Variants in UBA6 observed in about 807,000 individuals in gnomAD.
UBA6 encodes ubiquitin like modifier activating enzyme 6, also known as ubiquitin-like modifier-activating enzyme 6.
A neutral mutation model predicts 148.3 loss-of-function variants in UBA6; 87 were observed. The ratio of observed to expected loss-of-function variants is 0.59; its 90% CI spans 0.49 to 0.70. The LOEUF (loss-of-function observed/expected upper bound fraction) is 0.70. UBA6 is among the 30% of genes least tolerant of loss of function. The pLI is 0.00. For synonymous variants in UBA6, 376 were observed against 401.0 expected, an observed-to-expected ratio of 0.94 and a Z score of 0.75; for missense variants, 1,186 against 1,241.2, an observed-to-expected ratio of 0.96 and a Z score of 0.67.
Position 67,634,336 on chromosome 4 carries a change from A to T in UBA6, c.1933-14T>A, listed in dbSNP as rs1729082946. On this transcript the variant is annotated splice_polypyrimidine_tract_variant and intron_variant, in intron 21 of 32. Coordinates refer to ENST00000322244, the MANE Select transcript of UBA6 (RefSeq NM_018227.6). ...GGAACTTTCAAACTGTAACAGAGAA[A>T]AGAAAAAAAAAATTACAAATAGAAG... The T allele has an allele frequency of 1.3e-6, 2 of 1,572,474 alleles. No homozygotes were observed.
At chr4:67,676,468 T>C (rs1730284032) in intron 6 of UBA6, among the ~76,000 whole-genome samples, 1 of 152,190 alleles carries the variant, frequency 6.6e-6, no homozygotes, top group Non-Finnish European at 1.5e-5. Context: ...ATCCAGAGCT[T>C]AAGAGAAAAC....
chr4:67,616,560 T>C lies in UBA6; in HGVS notation c.*2437A>G, dbSNP rs114438206. 6.4e-6 allele frequency: 1 copy of C among 155,600 alleles called. No homozygotes were observed. The highest frequency in any genetic ancestry group is 2.4e-5 in the African/African-American group (1 of 41,748). The allele number at this position is 155,600 out of a possible 1,614,324, so 9.6% of individuals were successfully genotyped here. ...GACTTTACAAATCCCTAACCAGTAG[T>C]ATGGGATTTACCAGATCCTCTAGGT... On this transcript the variant is annotated 3_prime_UTR_variant, in exon 33 of 33. Coordinates refer to ENST00000322244, the MANE Select transcript of UBA6 (RefSeq NM_018227.6).
intron 1 of UBA6, among the ~76,000 whole-genome samples, chr4:67,700,615 G>T (rs1024171382): frequency 1.3e-5 from 2 of 152,016 alleles, no homozygotes; most frequent in African/African-American, 4.8e-5. Context: ...GTTCCTTCTG[G>T]TAATAGTTTT....
intron 19 of UBA6, among the ~76,000 whole-genome samples, chr4:67,636,849 G>T (rs1208368307): frequency 6.6e-6 from 1 of 151,944 alleles, no homozygotes; most frequent in East Asian, 1.9e-4. Context: ...CTGCCTGGCC[G>T]CCCATCGTCT....
chr4:67,616,122 T>A lies in UBA6; in HGVS notation c.*2875A>T. 1 of 396,696 alleles carries A rather than the reference T, an allele frequency of 2.5e-6. No individual in the cohort carries two copies. The highest frequency in any genetic ancestry group is 4.4e-6 in the Non-Finnish European group (1 of 224,966). 24.6% of individuals were successfully genotyped at this position (396,696 alleles called of 1,614,324 possible). A position where few individuals can be genotyped will look rare whatever the true frequency, so the allele number is the denominator to read the frequency against. On this transcript the variant is annotated 3_prime_UTR_variant, in exon 33 of 33. Coordinates refer to ENST00000322244, the MANE Select transcript of UBA6 (RefSeq NM_018227.6). ...GAGCAAAATGAACACATATTATCAA[T>A]GGATACTTAACTCTGATCCTCAAGA...
chr4:67,668,732 A>C, intron 8 of UBA6, 58 bp from the exon 9 acceptor site: 2 of 1,486,250 alleles, frequency 1.3e-6, no homozygotes, highest in Non-Finnish European at 1.8e-6. Context: ...TTTGTGTACA[A>C]ATTCAAATCT....
At chr4:67,693,886 C>T (rs1730759160) in intron 2 of UBA6, among the ~76,000 whole-genome samples, 1 of 151,976 alleles carries the variant, frequency 6.6e-6, no homozygotes, top group Non-Finnish European at 1.5e-5. Flanking sequence ...AGGTCTTATA[C>T]TAGTCCCCAT....
chr4:67,629,261 T>G (rs1002372180), intron 26 of UBA6, 119 bp from the exon 27 acceptor site: 1 of 665,018 alleles, frequency 1.5e-6, no homozygotes, highest in Admixed American at 2.4e-5. Context: ...TATCTGAATA[T>G]GTAGACATCC....
chr4:67,700,437 T>C (rs1730950115), intron 1 of UBA6, among the ~76,000 whole-genome samples: 1 of 151,904 alleles, frequency 6.6e-6, no homozygotes, highest in Non-Finnish European at 1.5e-5. Context: ...ACAAATATTT[T>C]CCCCCTAATT....
intron 19 of UBA6, among the ~76,000 whole-genome samples, chr4:67,636,164 T>C (rs1255682075): frequency 6.6e-6 from 1 of 152,152 alleles, no homozygotes; most frequent in East Asian, 1.9e-4. Flanking sequence ...ACATCATATG[T>C]TGGGCACTGA....
chr4:67,677,807 G>C (rs1730321440), intron 5 of UBA6, 85 bp from the exon 6 acceptor site: 1 of 625,682 alleles, frequency 1.6e-6, no homozygotes. Flanking sequence ...GACATCAGAG[G>C]AACCTGACAT....
At chr4:67,627,628 A>G (rs192897675) in intron 27 of UBA6, among the ~76,000 whole-genome samples, 9 of 151,734 alleles carry the variant, frequency 5.9e-5, no homozygotes, top group Admixed American at 1.3e-4. Flanking sequence ...TTTATAGGCT[A>G]TAAGTCATAA....
At chr4:67,700,213 A>C (rs757899375) in intron 1 of UBA6, among the ~76,000 whole-genome samples, 5 of 152,224 alleles carry the variant, frequency 3.3e-5, no homozygotes, top group African/African-American at 7.2e-5. Flanking sequence ...ATGGCAGACA[A>C]CACCATGAAA....
At chr4:67,648,636 A>C (rs543352400) in intron 14 of UBA6, among the ~76,000 whole-genome samples, 2 of 152,134 alleles carry the variant, frequency 1.3e-5, no homozygotes, top group Admixed American at 6.5e-5. Flanking sequence ...TTCATACCCC[A>C]TGTAACTCTA....
intron 1 of UBA6, among the ~76,000 whole-genome samples, chr4:67,699,727 G>A (rs1203144152): frequency 6.6e-6 from 1 of 152,010 alleles, no homozygotes; most frequent in Non-Finnish European, 1.5e-5. Context: ...TTAGCCTCCC[G>A]AGTAGCTGGG....
At chr4:67,662,406 T>C (rs1408629909) in intron 12 of UBA6, 151 bp from the exon 13 acceptor site, 30 of 566,544 alleles carry the variant, frequency 5.3e-5, no homozygotes, top group African/African-American at 3.8e-5. Context: ...TTAAAGATGA[T>C]TGGCTTATAA....
intron 13 of UBA6, among the ~76,000 whole-genome samples, chr4:67,655,699 C>A (rs886065414): frequency 6.6e-6 from 1 of 152,056 alleles, no homozygotes; most frequent in Non-Finnish European, 1.5e-5. Context: ...CAGAGGAGAA[C>A]TGAAGGAGAT....
chr4:67,665,358 T>C, intron 9 of UBA6, 66 bp from the exon 10 acceptor site: 1 of 954,658 alleles, frequency 1.0e-6, no homozygotes, highest in South Asian at 1.6e-5. Context: ...CAACTCTTAT[T>C]GTCATAAGAG....
chr4:67,645,014 T>G (rs1159042447), intron 16 of UBA6, among the ~76,000 whole-genome samples: 2 of 152,162 alleles, frequency 1.3e-5, no homozygotes, highest in Non-Finnish European at 2.9e-5. Context: ...AATATAATGT[T>G]AATACAACAT....
Sources: allele counts gnomAD v4.1 joint callset (sites outside exome capture counted in the v4.1 genomes callset), GRCh38; gene constraint gnomAD v4.1.1; transcripts MANE v1.5; gene names NCBI Gene and HGNC (gene_info 2026-07-23, HGNC 2026-07-21).